CDC42BPA: variants seen among roughly 807,000 people sequenced by gnomAD.
The protein encoded by CDC42BPA is CDC42 binding protein kinase alpha.
Under a neutral mutation model 223.5 loss-of-function variants are expected in CDC42BPA, and 80 were observed. The observed-to-expected ratio is 0.36, with a 90% CI of 0.30 to 0.43. The LOEUF (loss-of-function observed/expected upper bound fraction) is 0.43, where lower values mean the gene tolerates loss of function less well. Ranked by LOEUF, CDC42BPA falls within the 20% of genes least tolerant of loss-of-function variation. The probability of loss-of-function intolerance (pLI) is 1.00; values close to 1 mark genes in which losing one functional copy is unlikely to be tolerated. For synonymous variants in CDC42BPA, 694 were observed against 718.6 expected (o/e 0.97, Z 0.55); for missense variants, 1,743 against 2,099.9 (o/e 0.83, Z 3.32).
chr1:227,067,844 T>G (rs966221503), intron 21 of CDC42BPA, among the ~76,000 whole-genome samples: 3 of 152,158 alleles, frequency 2.0e-5, no homozygotes, highest in Non-Finnish European at 4.4e-5. Context: ...TAAAAAACAA[T>G]TCTATGCACA....
rs754930753 is a variant in CDC42BPA at position 227,029,270 on chromosome 1, TAAATC to T, written c.3839-25_3839-21del. ...TAATTTCTAAACACAGAAAGAATAA[TAAATC>T]AAAATATAGTTTTATTGATTAATCA... On this transcript the variant is annotated intron_variant, in intron 29 of 36. Coordinates refer to ENST00000366766, the MANE Select transcript of CDC42BPA (RefSeq NM_001394014.1). 3 of 1,436,674 alleles carry T rather than the reference TAAATC, an allele frequency of 2.1e-6. No homozygotes were observed. The highest frequency in any genetic ancestry group is 1.3e-5 in the South Asian group (1 of 76,864). 89.0% of individuals were successfully genotyped at this position (1,436,674 alleles called of 1,614,324 possible). A position where few individuals can be genotyped will look rare whatever the true frequency, so the allele number is the denominator to read the frequency against.
chr1:227,148,453 T>C (rs907901539), intron 6 of CDC42BPA, among the ~76,000 whole-genome samples: 1 of 152,160 alleles, frequency 6.6e-6, no homozygotes, highest in Non-Finnish European at 1.5e-5. Flanking sequence ...ATATTTTGGA[T>C]TTTCTAGACT....
At chr1:227,314,658 A>G (rs1694074348) in intron 1 of CDC42BPA, among the ~76,000 whole-genome samples, 1 of 152,042 alleles carries the variant, frequency 6.6e-6, no homozygotes, top group Non-Finnish European at 1.5e-5. Flanking sequence ...AAAGATAAGT[A>G]GCATCTAGCT....
At chr1:227,045,962 C>A (rs1263395473) in intron 23 of CDC42BPA, among the ~76,000 whole-genome samples, 1 of 152,016 alleles carries the variant, frequency 6.6e-6, no homozygotes, top group African/African-American at 2.4e-5. Context: ...CACATCACCA[C>A]GCCTGGCTAA....
chr1:227,211,553 T>C (rs1441076272), intron 3 of CDC42BPA, among the ~76,000 whole-genome samples: 1 of 152,156 alleles, frequency 6.6e-6, no homozygotes, highest in African/African-American at 2.4e-5. Flanking sequence ...TACATATATG[T>C]ATGTATGTAT....
At chr1:227,236,131 T>TA (rs1236383527) in intron 2 of CDC42BPA, among the ~76,000 whole-genome samples, 1 of 152,214 alleles carries the variant, frequency 6.6e-6, no homozygotes, top group African/African-American at 2.4e-5. Flanking sequence ...TAACACTTGT[T>TA]AGAGCTGCAA....
chr1:227,164,920 AAGAC>A (rs1664767175), intron 5 of CDC42BPA, among the ~76,000 whole-genome samples: 1 of 152,200 alleles, frequency 6.6e-6, no homozygotes. Flanking sequence ...AGCTGAGAGA[AAGAC>A]AGGTTTTAGG....
chr1:227,316,211 G>T (rs4653818), intron 1 of CDC42BPA, among the ~76,000 whole-genome samples: 16 of 152,090 alleles, frequency 1.1e-4, no homozygotes, highest in Non-Finnish European at 1.6e-4. Context: ...TGCCCTGTAT[G>T]TAACAGCAGA....
intron 34 of CDC42BPA, among the ~76,000 whole-genome samples, chr1:227,006,763 C>T (rs552174317): frequency 1.9e-4 from 29 of 152,172 alleles, no homozygotes; most frequent in Admixed American, 1.5e-3. Flanking sequence ...GGTGAAACCC[C>T]GTCTCTACTA....
Position 227,071,185 on chromosome 1 carries a change from G to A in CDC42BPA, c.2827+1023C>T, listed in dbSNP as rs893428621. ...TATTTGTAAAGGCTTTTTCTTGTTA[G>A]CTTCTTTATGTGATTACTCTCTGTT... On this transcript the variant is annotated intron_variant, in intron 20 of 36. Transcript: ENST00000366766. 5.3e-5 allele frequency among the ~76,000 whole-genome samples: 8 copies of A among 151,738 alleles called. No homozygotes were observed. The East Asian group carries it at 1.5e-3, about 29-fold the overall frequency.
At chr1:227,056,140 TAATAAA>T (rs1471905695) in intron 21 of CDC42BPA, among the ~76,000 whole-genome samples, 1 of 152,114 alleles carries the variant, frequency 6.6e-6, no homozygotes, top group Non-Finnish European at 1.5e-5. Context: ...TTCCTATAAA[TAATAAA>T]AATAACTAAA....
chr1:227,086,201 G>C (rs1681857592), intron 16 of CDC42BPA, among the ~76,000 whole-genome samples: 1 of 151,940 alleles, frequency 6.6e-6, no homozygotes, highest in African/African-American at 2.4e-5. Flanking sequence ...CTAGTATATG[G>C]GTATGATATG....
chr1:227,064,845 C>T (rs1352292706), intron 21 of CDC42BPA, among the ~76,000 whole-genome samples: 1 of 152,106 alleles, frequency 6.6e-6, no homozygotes, highest in Non-Finnish European at 1.5e-5. Context: ...TGCCTGTAAT[C>T]CCAGCACTTT....
At chr1:227,119,407 A>C (rs947481870) in intron 12 of CDC42BPA, among the ~76,000 whole-genome samples, 3 of 152,112 alleles carry the variant, frequency 2.0e-5, no homozygotes, top group African/African-American at 7.2e-5. Flanking sequence ...TCACCAAATA[A>C]ATTTTAAATT....
chr1:227,202,657 C>T (rs1460087247), intron 3 of CDC42BPA, among the ~76,000 whole-genome samples: 1 of 151,024 alleles, frequency 6.6e-6, no homozygotes, highest in Non-Finnish European at 1.5e-5. Flanking sequence ...AGTAGTGGCT[C>T]ATATCTGCAG....
chr1:227,318,441 C>G lies in CDC42BPA; in HGVS notation c.-1259G>C, dbSNP rs1694733827. ...GCGCCCTGGGCTCAGCGAGGCTCCT[C>G]CAGTCCCGCCGCACAGAGGCGGAGG... On this transcript the variant is annotated 5_prime_UTR_variant, in exon 1 of 37. Coordinates refer to ENST00000366766, the MANE Select transcript of CDC42BPA (RefSeq NM_001394014.1). 1 of 152,318 alleles carries G rather than the reference C, an allele frequency of 6.6e-6. No homozygotes were observed. The highest frequency in any genetic ancestry group is 6.5e-5 in the Admixed American group (1 of 15,272). 9.4% of individuals were successfully genotyped at this position (152,318 alleles called of 1,614,324 possible). A position where few individuals can be genotyped will look rare whatever the true frequency, so the allele number is the denominator to read the frequency against.
rs532274808 is a variant in CDC42BPA, at chr1:227,311,654, T to C, written c.178+5351A>G. On this transcript the variant is annotated intron_variant, in intron 1 of 36. Transcript: ENST00000366766. Reference sequence around the variant, plus strand: ...AAACAAAGGAAGAGACAATAAACCATTGAAAGAAATACAAGAGTGAAATTA... The same window carrying C: ...AAACAAAGGAAGAGACAATAAACCACTGAAAGAAATACAAGAGTGAAATTA... 2.4e-4 allele frequency among the ~76,000 whole-genome samples: 37 copies of C among 152,000 alleles called. No individual in the cohort carries two copies. In the South Asian group the frequency reaches 6.0e-3, roughly 25 times the overall value.
At chr1:227,017,422 G>C (rs1426690643) in intron 32 of CDC42BPA, among the ~76,000 whole-genome samples, 1 of 151,878 alleles carries the variant, frequency 6.6e-6, no homozygotes, top group African/African-American at 2.4e-5. Context: ...TTAGGGTGTT[G>C]TTAAAGAGCT....
intron 2 of CDC42BPA, among the ~76,000 whole-genome samples, chr1:227,244,772 G>A (rs1680622160): frequency 6.6e-6 from 1 of 152,318 alleles, no homozygotes; most frequent in Admixed American, 6.5e-5. Context: ...TGAAAAAAAG[G>A]CATTGAGGAA....
Sources: gnomAD v4.1 joint callset for allele counts (sites outside exome capture counted in the v4.1 genomes callset) on GRCh38, gnomAD v4.1.1 for gene constraint, MANE v1.5 for transcripts, NCBI Gene and HGNC (gene_info 2026-07-23, HGNC 2026-07-21) for gene names.